Variants in GLOD4 observed in about 807,000 individuals in gnomAD.
The protein encoded by GLOD4 is glyoxalase domain-containing protein 4.
Under a neutral mutation model 39.1 loss-of-function variants are expected in GLOD4, and 44 were observed. That is an observed-to-expected ratio of 1.13 (90% confidence interval 0.88 to 1.45). GLOD4 has a LOEUF of 1.45. Ranked by LOEUF, GLOD4 falls within the 40% of genes most tolerant of loss-of-function variation. The pLI is 0.00. For missense variants in GLOD4, 405 were observed against 366.4 expected, an observed-to-expected ratio of 1.11 and a Z score of -0.86; for synonymous variants, 145 against 135.0, an observed-to-expected ratio of 1.07 and a Z score of -0.52.
chr17:782,554 G>A (rs1200689054), upstream of GLOD4: 3 of 1,614,006 alleles, frequency 1.9e-6, no homozygotes, highest in East Asian at 2.2e-5. Flanking sequence ...AAGCAGCCCC[G>A]CAAGGCACCA....
rs781632067 is a variant in GLOD4 at position 782,166 on chromosome 17, C to T, written c.90G>A (p.Lys30=). 2 of 1,599,474 alleles carry T rather than the reference C, an allele frequency of 1.3e-6. No individual in the cohort carries two copies. Among genetic ancestry groups the T allele is most frequent in the Non-Finnish European group, 1.7e-6 (2 of 1,169,958 alleles). The change falls in exon 1 of 9, where the codon AAG becomes AAA. Residue 30 remains lysine, a splice_region_variant and synonymous_variant. Transcript: ENST00000301329. ...ARFYRDVLGM[K]VLRHEEFEEG... is the part of the protein sequence containing the mutation. ...AGCCCCTGTCGGCCCCGGCCTGCAC[C>T]TTCATCCCCAGGACGTCCCGATAGA...
intron 8 of GLOD4, among the ~76,000 whole-genome samples, chr17:768,570 G>A (rs78089012): frequency 3.2e-3 from 304 of 96,138 alleles, no homozygotes; most frequent in South Asian, 5.7e-3. Flanking sequence ...GAAACAGCGC[G>A]CACTCAGATT....
At chr17:762,943 G>A (rs1340775663) in intron 8 of GLOD4, among the ~76,000 whole-genome samples, 3 of 152,208 alleles carry the variant, frequency 2.0e-5, no homozygotes, top group African/African-American at 2.4e-5. Flanking sequence ...TTGGGAGGCC[G>A]AGGCAGGCGG....
chr17:769,746 A>G, intron 8 of GLOD4, 123 bp downstream of exon 8: 1 of 695,734 alleles, frequency 1.4e-6, no homozygotes, highest in Non-Finnish European at 2.6e-6. Context: ...AGGTCAACCC[A>G]ACAGCGAAAG....
At chr17:782,454 G>A (rs750161405), upstream of GLOD4, 1 of 1,613,820 alleles carries the variant, frequency 6.2e-7, no homozygotes, top group Non-Finnish European at 8.5e-7. Flanking sequence ...GGACCTTGAC[G>A]CGAGGCGCTG....
chr17:778,832 A>G lies in GLOD4; in HGVS notation c.91-88T>C, dbSNP rs759520298. ...CAGACTAAAATGTCAAAACACAAAC[A>G]TTATCATTTATAAGCTTTACTTGTA... On this transcript the variant is annotated intron_variant, in intron 1 of 8. Coordinates refer to ENST00000301329, the MANE Select transcript of GLOD4 (RefSeq NM_016080.4). 47 of 710,786 alleles carry G rather than the reference A, an allele frequency of 6.6e-5. No individual in the cohort carries two copies. The South Asian group carries it at 7.8e-4, about 12-fold the overall frequency. 44.0% of individuals were successfully genotyped at this position (710,786 alleles called of 1,614,324 possible). A position where few individuals can be genotyped will look rare whatever the true frequency, so the allele number is the denominator to read the frequency against.
chr17:778,319 A>G, intron 2 of GLOD4: 1 of 362,744 alleles, frequency 2.8e-6, no homozygotes, highest in Non-Finnish European at 4.9e-6. Flanking sequence ...TCTGGGACTG[A>G]GCCCTTAACT....
At chr17:769,761 T>C in intron 8 of GLOD4, 108 bp downstream of exon 8, 1 of 755,372 alleles carries the variant, frequency 1.3e-6, no homozygotes, top group South Asian at 1.5e-5. Context: ...CGAAAGGACG[T>C]GGTTCTGACA....
chr17:782,140 C>T (rs1481165934), intron 1 of GLOD4, 26 bp downstream of exon 1: 3 of 1,550,080 alleles, frequency 1.9e-6, no homozygotes, highest in Non-Finnish European at 2.6e-6. Flanking sequence ...CCTCGCGCGC[C>T]AGCCCCTGTC....
chr17:781,332 T>C (rs1193336766), intron 1 of GLOD4, among the ~76,000 whole-genome samples: 1 of 152,170 alleles, frequency 6.6e-6, no homozygotes, highest in African/African-American at 2.4e-5. Flanking sequence ...AATTCTGACT[T>C]CCATTACCAT....
chr17:760,038 C>T lies in GLOD4; in HGVS notation c.*135G>A, dbSNP rs534570023. The T allele has an allele frequency of 9.3e-6, 6 of 647,992 alleles. No individual in the cohort carries two copies. In the South Asian group the frequency reaches 1.1e-4, roughly 12 times the overall value. 40.1% of individuals were successfully genotyped at this position (647,992 alleles called of 1,614,324 possible). On this transcript the variant is annotated 3_prime_UTR_variant, in exon 9 of 9. Transcript: ENST00000301329. The stretch of plus-strand genomic sequence containing the variant: ...ATCAGAGCTTTCAAAGATTGAAATA[C>T]ACAAATCTGCACTACCCAAGCCTCC...
At chr17:781,845 A>G in intron 1 of GLOD4, 1 of 363,070 alleles carries the variant, frequency 2.8e-6, no homozygotes, top group Non-Finnish European at 5.0e-6. Context: ...AGAAAGCATT[A>G]TATAACATTT....
rs148387569 is a variant in GLOD4 at position 761,617 on chromosome 17, G to A, written c.832-1379C>T. The stretch of plus-strand genomic sequence containing the variant: ...CCTTCTGGGTTCAAGTGATTCTCCT[G>A]CCTCAGCCTCCCAAGTAGCTGGGAT... On this transcript the variant is annotated intron_variant, in intron 8 of 8. Transcript: ENST00000301329. Among the ~76,000 whole-genome samples the A allele has an allele frequency of 8.3e-4, 127 of 152,286 alleles. 1 individual carries two copies. In the Middle Eastern group the frequency reaches 0.02, roughly 24 times the overall value.
At chr17:780,515 G>A (rs557804525) in intron 1 of GLOD4, 2 of 152,118 alleles carry the variant, frequency 1.3e-5, no homozygotes, top group Non-Finnish European at 2.9e-5. Context: ...TCTACCTGTG[G>A]ATATCCTATC....
At chr17:770,183 G>A (rs368221029) in intron 6 of GLOD4, 26 bp from the exon 7 acceptor site, 4 of 1,298,648 alleles carry the variant, frequency 3.1e-6, no homozygotes, top group Admixed American at 1.7e-5. Context: ...GGCAACGTGA[G>A]CCAGGGGTCA....
chr17:782,131 C>T, intron 1 of GLOD4, 35 bp downstream of exon 1: 1 of 1,520,340 alleles, frequency 6.6e-7, no homozygotes, highest in Middle Eastern at 1.8e-4. Flanking sequence ...CGGTTCCAGC[C>T]TCGCGCGCCA....
At chr17:762,848 G>C (rs749793208) in intron 8 of GLOD4, among the ~76,000 whole-genome samples, 2 of 152,254 alleles carry the variant, frequency 1.3e-5, no homozygotes, top group Non-Finnish European at 2.9e-5. Flanking sequence ...CATTTGCAAA[G>C]GCTGATGCTA....
At chr17:770,536 G>C in intron 5 of GLOD4, 29 bp from the exon 6 acceptor site, 1 of 1,036,530 alleles carries the variant, frequency 9.6e-7, no homozygotes, top group Non-Finnish European at 1.5e-6. Flanking sequence ...TTATTTTTTG[G>C]AACAGGTTAT....
chr17:768,178 G>A (rs12936928), intron 8 of GLOD4, among the ~76,000 whole-genome samples: 2,244 of 100,000 alleles, frequency 0.022, 44 homozygotes, highest in East Asian at 0.081. Context: ...AGAGAGAAAC[G>A]GCGCACACTC....
Sources: allele counts gnomAD v4.1 joint callset (sites outside exome capture counted in the v4.1 genomes callset), GRCh38; gene constraint gnomAD v4.1.1; transcripts MANE v1.5; gene names NCBI Gene and HGNC (gene_info 2026-07-23, HGNC 2026-07-21).